SPHKAP: variants seen among roughly 807,000 people sequenced by gnomAD.
The protein encoded by SPHKAP is SPHK1 interactor, AKAP domain containing.
SPHKAP carries 67 observed loss-of-function variants against 137.5 expected under a neutral mutation model. The observed-to-expected ratio is 0.49, with a 90% CI of 0.40 to 0.60. The LOEUF (loss-of-function observed/expected upper bound fraction) is 0.60. Ranked by LOEUF, SPHKAP falls within the 20% of genes least tolerant of loss-of-function variation. The pLI is 0.00. For synonymous variants in SPHKAP, 813 were observed against 785.3 expected, an observed-to-expected ratio of 1.04 and a Z score of -0.59; for missense variants, 2,097 against 2,069.3, an observed-to-expected ratio of 1.01 and a Z score of -0.26.
intron 3 of SPHKAP, among the ~76,000 whole-genome samples, chr2:228,097,260 T>A (rs1698015576): frequency 6.6e-6 from 1 of 152,330 alleles, no homozygotes; most frequent in East Asian, 1.9e-4. Flanking sequence ...AATAATGTAC[T>A]CTTTTGTCAA....
intron 1 of SPHKAP, among the ~76,000 whole-genome samples, chr2:228,150,151 GC>G (rs1699888077): frequency 6.6e-6 from 1 of 152,122 alleles, no homozygotes; most frequent in South Asian, 2.1e-4. Context: ...GTTAAACCAG[GC>G]TTGAATTCCT....
intron 3 of SPHKAP, among the ~76,000 whole-genome samples, chr2:228,105,461 A>G (rs1698309839): frequency 6.6e-6 from 1 of 152,226 alleles, no homozygotes; most frequent in African/African-American, 2.4e-5. Flanking sequence ...AGGTTAGTAT[A>G]TATTTTTTCA....
intron 1 of SPHKAP, among the ~76,000 whole-genome samples, chr2:228,154,117 T>C (rs1700021513): frequency 6.6e-6 from 1 of 152,168 alleles, no homozygotes; most frequent in African/African-American, 2.4e-5. Flanking sequence ...AACCATCTAC[T>C]TTCTCTTTTC....
At chr2:228,076,920 G>A (rs1173989006) in intron 3 of SPHKAP, among the ~76,000 whole-genome samples, 2 of 152,124 alleles carry the variant, frequency 1.3e-5, no homozygotes, top group African/African-American at 4.8e-5. Flanking sequence ...GGTCTAGAAG[G>A]AAAACGTGGT....
At chr2:228,000,633 AAAAAT>A (rs201484086) in intron 7 of SPHKAP, among the ~76,000 whole-genome samples, 74 of 151,950 alleles carry the variant, frequency 4.9e-4, no homozygotes, top group East Asian at 4.5e-3. Context: ...TAATAATAAT[AAAAAT>A]AAAATAAAAT....
intron 7 of SPHKAP, among the ~76,000 whole-genome samples, chr2:228,011,318 A>T (rs1229507092): frequency 6.6e-6 from 1 of 150,494 alleles, no homozygotes; most frequent in East Asian, 2.0e-4. Flanking sequence ...ACCCTTCAGG[A>T]TGTGGAAGTC....
chr2:228,012,805 T>C (rs964729598), intron 7 of SPHKAP, among the ~76,000 whole-genome samples: 2 of 152,262 alleles, frequency 1.3e-5, no homozygotes, highest in African/African-American at 4.8e-5. Flanking sequence ...TCAGTAAGTA[T>C]AGCATGTGAA....
At chr2:228,121,478 T>A (rs1698902465) in intron 2 of SPHKAP, among the ~76,000 whole-genome samples, 1 of 152,184 alleles carries the variant, frequency 6.6e-6, no homozygotes, top group African/African-American at 2.4e-5. Flanking sequence ...ATCACGCTAC[T>A]GCATTCCAGG....
chr2:228,006,598 TGGA>T (rs1368017272), intron 7 of SPHKAP, among the ~76,000 whole-genome samples: 4 of 152,190 alleles, frequency 2.6e-5, no homozygotes, highest in East Asian at 3.8e-4. Flanking sequence ...TGCGTTCCTT[TGGA>T]GGAGGAGAGG....
chr2:227,990,763 C>T lies in SPHKAP; in HGVS notation c.4959+237G>A, dbSNP rs1414312262. Reference sequence around the variant, plus strand: ...CAGACTCTAAAAAAGTTCCCATCCCCTCAATTTACTTTTCTCACTACCACC... The same window carrying T: ...CAGACTCTAAAAAAGTTCCCATCCCTTCAATTTACTTTTCTCACTACCACC... On this transcript the variant is annotated intron_variant, in intron 11 of 11. Transcript: ENST00000392056. 6 of 425,098 alleles carry T rather than the reference C, an allele frequency of 1.4e-5. No homozygotes were observed. In the Admixed American group the frequency reaches 2.4e-4, roughly 17 times the overall value. 26.3% of individuals were successfully genotyped at this position (425,098 alleles called of 1,614,324 possible). A position where few individuals can be genotyped will look rare whatever the true frequency, so the allele number is the denominator to read the frequency against.
At chr2:228,064,071 G>A (rs982161619) in intron 3 of SPHKAP, among the ~76,000 whole-genome samples, 4 of 151,996 alleles carry the variant, frequency 2.6e-5, no homozygotes, top group African/African-American at 9.7e-5. Flanking sequence ...ATTTAAATTG[G>A]GAAGGAAGAA....
chr2:228,115,131 C>T (rs1698664785), intron 2 of SPHKAP, among the ~76,000 whole-genome samples: 1 of 152,114 alleles, frequency 6.6e-6, no homozygotes, highest in African/African-American at 2.4e-5. Flanking sequence ...ATAGTTTGCT[C>T]ATCAGTGTGT....
intron 4 of SPHKAP, 57 bp downstream of exon 4, chr2:228,027,427 A>G: frequency 6.5e-7 from 1 of 1,549,042 alleles, no homozygotes; most frequent in South Asian, 1.1e-5. Flanking sequence ...TACAGATGAA[A>G]TCAAGTTGAA....
At chr2:228,180,518 T>C (rs1700875054) in intron 1 of SPHKAP, among the ~76,000 whole-genome samples, 1 of 152,202 alleles carries the variant, frequency 6.6e-6, no homozygotes, top group African/African-American at 2.4e-5. Context: ...CCTGGTGCTC[T>C]GCTCTGGAAG....
intron 3 of SPHKAP, among the ~76,000 whole-genome samples, chr2:228,049,198 T>C (rs1696169788): frequency 6.6e-6 from 1 of 152,242 alleles, no homozygotes; most frequent in Non-Finnish European, 1.5e-5. Flanking sequence ...AAGTGCTCAA[T>C]GAATACTTTT....
chr2:228,120,738 A>G (rs1036281684), intron 2 of SPHKAP, among the ~76,000 whole-genome samples: 1 of 152,210 alleles, frequency 6.6e-6, no homozygotes, highest in African/African-American at 2.4e-5. Context: ...TATCACACAG[A>G]TGTCAGCTGG....
intron 1 of SPHKAP, among the ~76,000 whole-genome samples, chr2:228,179,891 G>A (rs897819184): frequency 6.6e-6 from 1 of 152,140 alleles, no homozygotes; most frequent in Non-Finnish European, 1.5e-5. Context: ...CTGTAAAACC[G>A]GATTAAAGCA....
At chr2:228,051,004 C>T (rs1696235030) in intron 3 of SPHKAP, among the ~76,000 whole-genome samples, 1 of 152,070 alleles carries the variant, frequency 6.6e-6, no homozygotes, top group South Asian at 2.1e-4. Flanking sequence ...CAGGGTTTTG[C>T]TATGTTGTCC....
chr2:228,071,212 C>A (rs1696995123), intron 3 of SPHKAP, among the ~76,000 whole-genome samples: 1 of 152,174 alleles, frequency 6.6e-6, no homozygotes, highest in African/African-American at 2.4e-5. Flanking sequence ...GTTTGCCTAT[C>A]CCTTCCTGCC....
Sources: gnomAD v4.1 joint callset for allele counts (sites outside exome capture counted in the v4.1 genomes callset) on GRCh38, gnomAD v4.1.1 for gene constraint, MANE v1.5 for transcripts, NCBI Gene and HGNC (gene_info 2026-07-23, HGNC 2026-07-21) for gene names.